NYAP2: variants seen among roughly 807,000 people sequenced by gnomAD.
The protein encoded by NYAP2 is neuronal tyrosine-phosphorylated phosphoinositide-3-kinase adapter 2.
Under a neutral mutation model 50.4 loss-of-function variants are expected in NYAP2, and 23 were observed. That is an observed-to-expected ratio of 0.46 (90% confidence interval 0.33 to 0.65). The LOEUF is 0.65. Ranked by LOEUF, NYAP2 falls within the 30% of genes least tolerant of loss-of-function variation. The pLI is 0.02. For synonymous variants in NYAP2, 394 were observed against 365.2 expected, an observed-to-expected ratio of 1.08 and a Z score of -0.90; for missense variants, 885 against 861.0, an observed-to-expected ratio of 1.03 and a Z score of -0.35.
chr2:225,639,861 G>C (rs1287337678), intron 6 of NYAP2, among the ~76,000 whole-genome samples: 4 of 152,134 alleles, frequency 2.6e-5, no homozygotes, highest in Non-Finnish European at 4.4e-5. Flanking sequence ...ATAACCTGGG[G>C]ACTGAGCTCT....
chr2:225,565,306 G>A (rs1322321672), intron 4 of NYAP2, among the ~76,000 whole-genome samples: 1 of 152,018 alleles, frequency 6.6e-6, no homozygotes, highest in Non-Finnish European at 1.5e-5. Flanking sequence ...TACTAAAATG[G>A]TAATATCCCA....
chr2:225,472,157 T>A (rs913458166), intron 3 of NYAP2, among the ~76,000 whole-genome samples: 1 of 152,164 alleles, frequency 6.6e-6, no homozygotes, highest in African/African-American at 2.4e-5. Context: ...ACCCAACCAG[T>A]CCAAAGAATC....
intron 4 of NYAP2, among the ~76,000 whole-genome samples, chr2:225,551,306 T>G (rs1691670910): frequency 6.6e-6 from 1 of 152,222 alleles, no homozygotes; most frequent in African/African-American, 2.4e-5. Flanking sequence ...AATACTTGCA[T>G]ATCAGGTGTG....
At chr2:225,651,713 A>G (rs3791734) in exon 7 of NYAP2, 444,302 of 814,450 alleles carry the variant, frequency 0.55, 123,283 homozygotes, top group Admixed American at 0.71. Context: ...TTCATTTGAA[A>G]AAGAATATCT....
At chr2:225,651,447 G>A (rs1403567150) in exon 7 of NYAP2, 1 of 1,613,966 alleles carries the variant, frequency 6.2e-7, no homozygotes, top group East Asian at 2.2e-5. Context: ...AAAGTAAGCT[G>A]CAAATTAGGC....
chr2:225,421,814 C>T (rs1695219235), intron 3 of NYAP2, among the ~76,000 whole-genome samples: 1 of 152,182 alleles, frequency 6.6e-6, no homozygotes, highest in African/African-American at 2.4e-5. Context: ...CTCAGCAACT[C>T]ACAACTCTCA....
chr2:225,416,079 C>G (rs1695117772), intron 3 of NYAP2, among the ~76,000 whole-genome samples: 1 of 152,172 alleles, frequency 6.6e-6, no homozygotes, highest in African/African-American at 2.4e-5. Context: ...CAGCCAGTAT[C>G]TTAATAACCC....
Position 225,651,420 on chromosome 2 carries a change from G to A in NYAP2, c.1829-12G>A, listed in dbSNP as rs777011175. On this transcript the variant is annotated splice_polypyrimidine_tract_variant and intron_variant, in intron 6 of 6. Transcript: ENST00000636099. ...GTCAGCTAATATTGTGTCTTTTTCCGCTTGTTTCCAGAGCCTAAAGTAAGC... is the reference window on the plus strand; with the variant it reads ...GTCAGCTAATATTGTGTCTTTTTCCACTTGTTTCCAGAGCCTAAAGTAAGC... 2.2e-5 allele frequency: 36 copies of A among 1,613,672 alleles called. No individual in the cohort carries two copies. Among genetic ancestry groups the A allele is most frequent in the South Asian group, 6.6e-5 (6 of 91,010 alleles).
chr2:225,569,837 T>C (rs1292365596), intron 4 of NYAP2, among the ~76,000 whole-genome samples: 1 of 152,134 alleles, frequency 6.6e-6, no homozygotes, highest in Admixed American at 6.6e-5. Flanking sequence ...ATCTATTAGG[T>C]TATGGAACCT....
At chr2:225,693,041 C>T in the NYAP2 span, among the ~76,000 whole-genome samples, 1 of 152,012 alleles carries the variant, frequency 6.6e-6, no homozygotes, top group Non-Finnish European at 1.5e-5. Context: ...CTTACATTAC[C>T]ATGGTTCATG....
intron 4 of NYAP2, among the ~76,000 whole-genome samples, chr2:225,551,180 G>A (rs910345892): frequency 6.6e-6 from 1 of 152,180 alleles, no homozygotes; most frequent in Non-Finnish European, 1.5e-5. Context: ...GACCCCTAGT[G>A]AATTTCACCT....
rs191316968 is a variant in NYAP2, at chr2:225,422,439, A to G, written c.221+13338A>G. ...TACATGCCATGAGGAATTTCTCCTGACTCATGACAAATTTTTTTCAGAGGG... is the reference window on the plus strand; with the variant it reads ...TACATGCCATGAGGAATTTCTCCTGGCTCATGACAAATTTTTTTCAGAGGG... On this transcript the variant is annotated intron_variant, in intron 3 of 6. Transcript: ENST00000636099. 8.5e-5 allele frequency among the ~76,000 whole-genome samples: 13 copies of G among 152,262 alleles called. No homozygotes were observed. The East Asian group carries it at 2.3e-3, about 27-fold the overall frequency.
At chr2:225,446,687 G>T (rs764972622) in intron 3 of NYAP2, among the ~76,000 whole-genome samples, 6 of 152,028 alleles carry the variant, frequency 3.9e-5, no homozygotes, top group Non-Finnish European at 8.8e-5. Flanking sequence ...ATGTAATATT[G>T]ATTTATTGAA....
chr2:225,687,547 A>G, the NYAP2 span, among the ~76,000 whole-genome samples: 1 of 152,212 alleles, frequency 6.6e-6, no homozygotes, highest in Non-Finnish European at 1.5e-5. Context: ...TTATTGACAC[A>G]TATATTCTTT....
At chr2:225,413,336 A>G (rs1695076884) in intron 3 of NYAP2, among the ~76,000 whole-genome samples, 1 of 152,144 alleles carries the variant, frequency 6.6e-6, no homozygotes, top group African/African-American at 2.4e-5. Flanking sequence ...AAAATAGGAC[A>G]GGAGGAGGAG....
chr2:225,634,400 A>C (rs1186677458), intron 6 of NYAP2, among the ~76,000 whole-genome samples: 2 of 152,172 alleles, frequency 1.3e-5, no homozygotes, highest in Non-Finnish European at 2.9e-5. Flanking sequence ...CATATTATAT[A>C]TTCTGCTCTG....
At chr2:225,585,863 T>A (rs1417153438) in intron 5 of NYAP2, among the ~76,000 whole-genome samples, 1 of 152,204 alleles carries the variant, frequency 6.6e-6, no homozygotes, top group Admixed American at 6.5e-5. Context: ...TAGTAATTTC[T>A]GTTGCAGTAC....
rs535835763 is a variant in NYAP2 at position 225,620,515 on chromosome 2, A to T, written c.1619-6402A>T. Among the ~76,000 whole-genome samples the T allele has an allele frequency of 1.2e-3, 189 of 152,286 alleles. 1 individual carries two copies. Among genetic ancestry groups the T allele is most frequent in the Admixed American group, 2.3e-3 (35 of 15,302 alleles). On this transcript the variant is annotated intron_variant, in intron 5 of 6. Transcript: ENST00000636099. ...CACACACGCACGCACACACACATGA[A>T]AAAACAGATTTATTCCCAAATAAAA...
rs56041107 is a variant in NYAP2 at position 225,641,422 on chromosome 2, AACACACACACACACACAC to A, written c.1829-9980_1829-9963del. 1.8e-4 allele frequency among the ~76,000 whole-genome samples: 24 copies of A among 133,648 alleles called. 1 individual carries two copies. Among genetic ancestry groups the A allele is most frequent in the Non-Finnish European group, 2.2e-4 (14 of 63,956 alleles). 87.7% of individuals were successfully genotyped at this position (133,648 alleles called of 152,430 possible). A position where few individuals can be genotyped will look rare whatever the true frequency, so the allele number is the denominator to read the frequency against. On this transcript the variant is annotated intron_variant, in intron 6 of 6. Transcript: ENST00000636099. Reference sequence around the variant, plus strand: ...CCAACACAGGAACTGCAATCCCTCAAACACACACACACACACACACACACACACACACACACACACACA... The same window carrying A: ...CCAACACAGGAACTGCAATCCCTCAAACACACACACACACACACACACACA...
Sources: allele counts gnomAD v4.1 joint callset (sites outside exome capture counted in the v4.1 genomes callset), GRCh38; gene constraint gnomAD v4.1.1; transcripts MANE v1.5; gene names NCBI Gene and HGNC (gene_info 2026-07-23, HGNC 2026-07-21).